DRD3: variants seen among roughly 807,000 people sequenced by gnomAD.
DRD3 encodes D(3) dopamine receptor.
Under a neutral mutation model 36.3 loss-of-function variants are expected in DRD3, and 19 were observed. The ratio of observed to expected loss-of-function variants is 0.52; its 90% CI spans 0.36 to 0.77. The LOEUF (loss-of-function observed/expected upper bound fraction) is 0.77. DRD3 is among the 30% of genes least tolerant of loss of function. The probability of loss-of-function intolerance (pLI) is 0.00; values close to 1 mark genes in which losing one functional copy is unlikely to be tolerated. For missense variants in DRD3, 465 were observed against 505.3 expected (o/e 0.92, Z 0.77); for synonymous variants, 195 against 203.7 (o/e 0.96, Z 0.36).
intron 3 of DRD3, among the ~76,000 whole-genome samples, chr3:114,148,155 C>T (rs2077585249): frequency 1.3e-5 from 2 of 152,198 alleles, no homozygotes; most frequent in South Asian, 4.1e-4. Flanking sequence ...CACTGGATTG[C>T]TGGAGAGCTT....
At position 114,170,273 on chromosome 3, in the gene DRD3, GC is replaced by G. The variant is rs1256476693; in HGVS notation, c.270+1449del. ...GAGGCAGATGGTATTAGCAGGAATA[GC>G]CCATATAATGCATACATTACAGAGA... On this transcript the variant is annotated intron_variant, in intron 2 of 6. Transcript: ENST00000383673. Among the ~76,000 whole-genome samples the G allele has an allele frequency of 4.6e-5, 7 of 152,272 alleles. No individual in the cohort carries two copies. The East Asian group carries it at 1.4e-3, about 29-fold the overall frequency.
upstream of DRD3, among the ~76,000 whole-genome samples, chr3:114,183,628 A>G (rs1447401351): frequency 6.6e-6 from 1 of 152,082 alleles, no homozygotes; most frequent in African/African-American, 2.4e-5. Flanking sequence ...GTTAATGTTT[A>G]AAATTGCTCT....
chr3:114,176,121 T>C (rs2077896326), intron 1 of DRD3: 1 of 152,214 alleles, frequency 6.6e-6, no homozygotes, highest in East Asian at 1.9e-4. Context: ...ATAACAGTCT[T>C]CCTGAAACAT....
chr3:114,158,641 C>T (rs2077704281), intron 3 of DRD3, among the ~76,000 whole-genome samples: 2 of 152,044 alleles, frequency 1.3e-5, no homozygotes, highest in South Asian at 4.2e-4. Context: ...TTGAAGGTAG[C>T]CAATGTTTAT....
At position 114,196,977 on chromosome 3, in the gene DRD3, TC is replaced by T. The variant is rs770076337; in HGVS notation, c.-156+2295del. ...TTTTTTAAATTTATTTTTATTTTTT[TC>T]TTTTTTTCTTTTTTTTTTATTATAC... On this transcript the variant is annotated intron_variant, in intron 1 of 7. Coordinates refer to the DRD3 transcript ENST00000460779. 7.2e-3 allele frequency among the ~76,000 whole-genome samples: 1,088 copies of T among 150,932 alleles called. 11 individuals are homozygous for T. Among genetic ancestry groups the T allele is most frequent in the Non-Finnish European group, 0.011 (775 of 67,728 alleles).
intron 2 of DRD3, among the ~76,000 whole-genome samples, chr3:114,160,306 G>A (rs2077720661): frequency 6.6e-6 from 1 of 152,012 alleles, no homozygotes; most frequent in Admixed American, 6.6e-5. Flanking sequence ...GAGTGCAATG[G>A]TGCGATCTCG....
At chr3:114,140,281 T>C (rs936013453) in intron 4 of DRD3, among the ~76,000 whole-genome samples, 1 of 152,180 alleles carries the variant, frequency 6.6e-6, no homozygotes, top group Non-Finnish European at 1.5e-5. Context: ...ATCCCAGCAC[T>C]TGTCAGAGGT....
At chr3:114,137,478 C>A (rs1457383369) in intron 5 of DRD3, among the ~76,000 whole-genome samples, 1 of 152,198 alleles carries the variant, frequency 6.6e-6, no homozygotes, top group Non-Finnish European at 1.5e-5. Flanking sequence ...TTCACTCAAG[C>A]CTTGGGACTT....
chr3:114,170,238 AATAG>A (rs1283427305), intron 2 of DRD3, among the ~76,000 whole-genome samples: 1 of 152,240 alleles, frequency 6.6e-6, no homozygotes, highest in Non-Finnish European at 1.5e-5. Context: ...TGAGTGTAAC[AATAG>A]ATAGAGAGGC....
chr3:114,131,806 A>T (rs1442614294), intron 5 of DRD3, among the ~76,000 whole-genome samples: 1 of 152,256 alleles, frequency 6.6e-6, no homozygotes, highest in Non-Finnish European at 1.5e-5. Flanking sequence ...CAAACATATA[A>T]AAGAAAGCTT....
upstream of DRD3, among the ~76,000 whole-genome samples, chr3:114,183,933 G>C (rs1409718607): frequency 1.3e-5 from 2 of 151,848 alleles, no homozygotes; most frequent in African/African-American, 4.8e-5. Context: ...TCTGTTTTTT[G>C]ATTGGGTAGT....
chr3:114,164,794 C>A (rs990489084), intron 2 of DRD3, among the ~76,000 whole-genome samples: 4 of 152,126 alleles, frequency 2.6e-5, no homozygotes, highest in Non-Finnish European at 5.9e-5. Flanking sequence ...GCGCTGTCGC[C>A]CGGCTGGAGT....
intron 1 of DRD3, among the ~76,000 whole-genome samples, chr3:114,191,028 T>A (rs2078008468): frequency 6.6e-6 from 1 of 152,182 alleles, no homozygotes; most frequent in Non-Finnish European, 1.5e-5. Flanking sequence ...GAGTCCAAAG[T>A]CTCTGGCAGT....
At chr3:114,160,057 G>A (rs1239250699) in intron 2 of DRD3, among the ~76,000 whole-genome samples, 190 bp from the exon 3 acceptor site, 1 of 152,140 alleles carries the variant, frequency 6.6e-6, no homozygotes, top group Non-Finnish European at 1.5e-5. Context: ...CCTAAAGAAA[G>A]GACAAGTTCA....
At chr3:114,131,700 A>T (rs1369597152) in intron 5 of DRD3, among the ~76,000 whole-genome samples, 2 of 152,250 alleles carry the variant, frequency 1.3e-5, no homozygotes, top group Non-Finnish European at 2.9e-5. Context: ...AGAATCTACA[A>T]GAAACTTAAA....
chr3:114,168,657 C>G (rs2077809765), intron 2 of DRD3, among the ~76,000 whole-genome samples: 1 of 152,032 alleles, frequency 6.6e-6, no homozygotes, highest in Non-Finnish European at 1.5e-5. Flanking sequence ...AAGAACTAAG[C>G]CAGCTTGCCA....
At chr3:114,167,119 G>A (rs529938260) in intron 2 of DRD3, among the ~76,000 whole-genome samples, 2 of 152,138 alleles carry the variant, frequency 1.3e-5, no homozygotes, top group East Asian at 1.9e-4. Context: ...GACCTCGATC[G>A]CTTTTTCTGT....
At chr3:114,137,794 A>G (rs1424598841) in intron 5 of DRD3, among the ~76,000 whole-genome samples, 1 of 151,180 alleles carries the variant, frequency 6.6e-6, no homozygotes, top group African/African-American at 2.4e-5. Context: ...GATCGAGACC[A>G]TCCTGGCTAA....
intron 2 of DRD3, among the ~76,000 whole-genome samples, chr3:114,165,984 T>A (rs1393214434): frequency 1.4e-5 from 2 of 144,308 alleles, no homozygotes; most frequent in Non-Finnish European, 3.1e-5. Context: ...CCCAACAGTT[T>A]GTATTTTTTT....
Sources: gnomAD v4.1 joint callset for allele counts (sites outside exome capture counted in the v4.1 genomes callset) on GRCh38, gnomAD v4.1.1 for gene constraint, MANE v1.5 for transcripts, NCBI Gene and HGNC (gene_info 2026-07-23, HGNC 2026-07-21) for gene names.